CNNM2: variants seen among roughly 807,000 people sequenced by gnomAD.
The protein encoded by CNNM2 is cyclin and CBS domain divalent metal cation transport mediator 2, also known as metal transporter CNNM2.
Under a neutral mutation model 66.9 loss-of-function variants are expected in CNNM2, and 12 were observed. That is an observed-to-expected ratio of 0.18 (90% CI 0.11 to 0.29). The LOEUF (loss-of-function observed/expected upper bound fraction) is 0.29. Among genes scored for constraint, CNNM2 ranks in the 10% least tolerant of loss-of-function variants. The probability of loss-of-function intolerance (pLI) is 1.00; values close to 1 mark genes in which losing one functional copy is unlikely to be tolerated. For missense variants in CNNM2, 705 were observed against 1,167.7 expected (o/e 0.60, Z 5.77); for synonymous variants, 557 against 501.8 (o/e 1.11, Z -1.47).
At chr10:103,001,092 A>G (rs1158407517) in intron 1 of CNNM2, among the ~76,000 whole-genome samples, 1 of 152,186 alleles carries the variant, frequency 6.6e-6, no homozygotes, top group Admixed American at 6.5e-5. Flanking sequence ...ACAAAAAGAC[A>G]ATTACTATAT....
chr10:102,964,962 C>T (rs1426515925), intron 1 of CNNM2, among the ~76,000 whole-genome samples: 1 of 152,128 alleles, frequency 6.6e-6, no homozygotes, highest in East Asian at 1.9e-4. Flanking sequence ...ACTTGGCCCT[C>T]CTACTCTTCT....
chr10:103,037,066 T>TTG (rs1278367545), intron 1 of CNNM2, among the ~76,000 whole-genome samples: 1 of 152,114 alleles, frequency 6.6e-6, no homozygotes, highest in Non-Finnish European at 1.5e-5. Context: ...GATCTTCCTG[T>TTG]TGTTCCTTAC....
chr10:103,086,090 T>A lies in CNNM2; in HGVS notation c.*8910T>A, dbSNP rs538005914. 4.6e-5 allele frequency: 7 copies of A among 152,656 alleles called. No individual in the cohort carries two copies. The East Asian group carries it at 1.3e-3, about 29-fold the overall frequency. 9.5% of individuals were successfully genotyped at this position (152,656 alleles called of 1,614,324 possible). ...CACCTGTTTCTGCTTTCTGGTTGCC[T>A]GTGCCTGTGGTCATCCCTGCTCCTT... is the stretch of plus-strand genomic sequence containing the variant. On this transcript the variant is annotated 3_prime_UTR_variant, in exon 8 of 8. Transcript: ENST00000369878.
At chr10:103,014,945 A>G (rs901127075) in intron 1 of CNNM2, among the ~76,000 whole-genome samples, 17 of 152,202 alleles carry the variant, frequency 1.1e-4, no homozygotes, top group African/African-American at 4.1e-4. Flanking sequence ...ATTTCAAAAC[A>G]TGCTTACAAA....
At chr10:102,937,583 C>A (rs149028999) in intron 1 of CNNM2, among the ~76,000 whole-genome samples, 3 of 152,236 alleles carry the variant, frequency 2.0e-5, no homozygotes, top group East Asian at 3.9e-4. Context: ...ACCACCTGTG[C>A]TTGAAGCTCA....
chr10:102,925,447 A>G (rs187072825), intron 1 of CNNM2, among the ~76,000 whole-genome samples: 144 of 151,770 alleles, frequency 9.5e-4, no homozygotes, highest in African/African-American at 3.4e-3. Context: ...TCTTATGGTT[A>G]GGTGAGTTTA....
At chr10:103,000,565 T>C (rs528127805) in intron 1 of CNNM2, among the ~76,000 whole-genome samples, 57 of 152,054 alleles carry the variant, frequency 3.7e-4, no homozygotes, top group Non-Finnish European at 8.2e-4. Context: ...GCAATTCTTG[T>C]GCCTTTCCCT....
chr10:103,061,625 A>T (rs982721585), intron 4 of CNNM2, among the ~76,000 whole-genome samples: 1 of 152,216 alleles, frequency 6.6e-6, no homozygotes, highest in Admixed American at 6.5e-5. Context: ...ATAGAACAAG[A>T]TGGCATGATA....
chr10:102,956,288 C>CAAAA lies in CNNM2; in HGVS notation c.1621+36204_1621+36207dup, dbSNP rs371126297. Among the ~76,000 whole-genome samples the CAAAA allele has an allele frequency of 1.6e-3, 115 of 73,940 alleles. 1 individual carries two copies. The highest frequency in any genetic ancestry group is 5.7e-3 in the African/African-American group (99 of 17,320). The allele number at this position is 73,940 out of a possible 152,430, so 48.5% of individuals were successfully genotyped here. A position where few individuals can be genotyped will look rare whatever the true frequency, so the allele number is the denominator to read the frequency against. ...GGGCAATAAGAGCAAGATTCCATCT[C>CAAAA]AAAAAAAAAAAAAAAAAAAAGTCAG... On this transcript the variant is annotated intron_variant, in intron 1 of 7. Transcript: ENST00000369878.
At chr10:103,015,250 A>G (rs562177187) in intron 1 of CNNM2, among the ~76,000 whole-genome samples, 9 of 152,270 alleles carry the variant, frequency 5.9e-5, no homozygotes, top group South Asian at 2.1e-4. Flanking sequence ...GACTGGGTCA[A>G]TAACTTTGAG....
In CNNM2 at chr10:103,077,030, G is replaced by T; in HGVS notation, c.2478G>T (p.Gln826His). 6.2e-7 allele frequency: 1 copy of T among 1,613,946 alleles called. No homozygotes were observed. Among genetic ancestry groups the T allele is most frequent in the Non-Finnish European group, 8.5e-7 (1 of 1,179,888 alleles). The stretch of plus-strand genomic sequence containing the variant: ...CATCCCGGATGGACAAAACCCCCCA[G>T]TCTTCAGACAGTGAAAACACTAAAA... ...LMASRMDKTP[Q>H]SSDSENTKIE... The change falls in exon 8 of 8, where the codon CAG becomes CAT. Residue 826 changes from glutamine to histidine, a missense_variant. Gln to His is a conservative substitution (Grantham distance 24). This residue lies in a region of CNNM2 where 194 missense variants were observed against 227.6 expected (regional missense o/e 0.85). Coordinates refer to ENST00000369878, the MANE Select transcript of CNNM2 (RefSeq NM_017649.5).
intron 1 of CNNM2, among the ~76,000 whole-genome samples, chr10:102,943,441 TA>T (rs1214550439): frequency 6.6e-6 from 1 of 151,616 alleles, no homozygotes; most frequent in Non-Finnish European, 1.5e-5. Flanking sequence ...ACCCCATCTC[TA>T]AAACAAAAAA....
chr10:102,919,532 G>C lies in CNNM2; in HGVS notation c.1052G>C (p.Gly351Ala). ...GTGGCCGTGGTAGTCTCCACCATCGGTATCGTCATCTTCGGAGAGATCGTG... is the reference window on the plus strand; with the variant it reads ...GTGGCCGTGGTAGTCTCCACCATCGCTATCGTCATCTTCGGAGAGATCGTG... The part of the protein sequence containing the change: ...GLVAVVVSTI[G>A]IVIFGEIVPQ... Residue 351 changes from glycine (G) to alanine (A), a missense_variant, in exon 1 of 8, where the codon GGT (glycine) becomes GCT (alanine). Gly to Ala is a moderately conservative substitution (Grantham distance 60, BLOSUM62 0). This residue lies in a region of CNNM2 where 49 missense variants were observed against 183.7 expected (regional missense o/e 0.27). Coordinates refer to ENST00000369878, the MANE Select transcript of CNNM2 (RefSeq NM_017649.5). 6.2e-7 allele frequency: 1 copy of C among 1,613,268 alleles called. No homozygotes were observed. The highest frequency in any genetic ancestry group is 8.5e-7 in the Non-Finnish European group (1 of 1,180,034).
At chr10:103,070,382 TAGA>T (rs1175615375) in intron 5 of CNNM2, among the ~76,000 whole-genome samples, 1 of 152,198 alleles carries the variant, frequency 6.6e-6, no homozygotes, top group Non-Finnish European at 1.5e-5. Context: ...ATGTGATTAT[TAGA>T]AGACTAGGAT....
chr10:102,963,360 ACT>A, intron 1 of CNNM2, among the ~76,000 whole-genome samples: 1 of 152,144 alleles, frequency 6.6e-6, no homozygotes, highest in East Asian at 1.9e-4. Context: ...CCTTTGACTG[ACT>A]CTCTCAGTAA....
Position 103,077,517 on chromosome 10 carries a change from C to A in CNNM2, c.*337C>A. The A allele has an allele frequency of 7.7e-6, 2 of 258,746 alleles. No homozygotes were observed. Among genetic ancestry groups the A allele is most frequent in the Non-Finnish European group, 1.5e-5 (2 of 133,910 alleles). The allele number at this position is 258,746 out of a possible 1,614,324, so 16.0% of individuals were successfully genotyped here. A position where few individuals can be genotyped will look rare whatever the true frequency, so the allele number is the denominator to read the frequency against. Reference sequence around the variant, plus strand: ...ATTTGCATGAAGTTGAAAATTGTTGCGATTTATTTTTTCAAGAGATCATGT... The same window carrying A: ...ATTTGCATGAAGTTGAAAATTGTTGAGATTTATTTTTTCAAGAGATCATGT... On this transcript the variant is annotated 3_prime_UTR_variant, in exon 8 of 8. Coordinates refer to ENST00000369878, the MANE Select transcript of CNNM2 (RefSeq NM_017649.5).
At chr10:103,030,371 A>C (rs2064800295) in intron 1 of CNNM2, among the ~76,000 whole-genome samples, 1 of 152,188 alleles carries the variant, frequency 6.6e-6, no homozygotes, top group Admixed American at 6.5e-5. Flanking sequence ...ATTAGAAGTA[A>C]TGAGGACTTG....
At chr10:102,965,719 C>T (rs1364027351) in intron 1 of CNNM2, among the ~76,000 whole-genome samples, 3 of 152,242 alleles carry the variant, frequency 2.0e-5, no homozygotes, top group South Asian at 2.1e-4. Context: ...TTCCATCTGA[C>T]GCAAATTGTG....
intron 1 of CNNM2, among the ~76,000 whole-genome samples, chr10:102,934,459 T>C (rs182431753): frequency 2.6e-5 from 4 of 151,690 alleles, no homozygotes; most frequent in Admixed American, 6.6e-5. Context: ...TTTTGTATTT[T>C]TAGTAGAGGT....
Sources: allele counts gnomAD v4.1 joint callset (sites outside exome capture counted in the v4.1 genomes callset), GRCh38; gene constraint gnomAD v4.1.1; regional missense constraint gnomAD v4.1.1; transcripts MANE v1.5; gene names NCBI Gene and HGNC (gene_info 2026-07-23, HGNC 2026-07-21).